The following SDK1 variants were observed in gnomAD, a reference collection of about 807,000 sequenced individuals.
SDK1 encodes protein sidekick-1.
A neutral mutation model predicts 245.5 loss-of-function variants in SDK1; 157 were observed. The observed-to-expected ratio is 0.64, with a 90% CI of 0.56 to 0.73. SDK1 has a LOEUF of 0.73. SDK1 is among the 30% of genes least tolerant of loss of function. The pLI is 0.00. For synonymous variants in SDK1, 1,647 were observed against 1,278.5 expected (o/e 1.29, Z -6.15); for missense variants, 3,583 against 3,002.3 (o/e 1.19, Z -4.52).
chr7:3,892,452 T>C (rs1208436190), intron 5 of SDK1, among the ~76,000 whole-genome samples: 4 of 152,200 alleles, frequency 2.6e-5, no homozygotes, highest in Non-Finnish European at 5.9e-5. Flanking sequence ...ATAAAGCCTC[T>C]GCTGGGACCT....
chr7:3,481,603 C>T (rs1432729951), intron 1 of SDK1, among the ~76,000 whole-genome samples: 1 of 152,158 alleles, frequency 6.6e-6, no homozygotes, highest in African/African-American at 2.4e-5. Context: ...CCTTCCTTCC[C>T]ACATACAAGC....
At chr7:4,191,795 G>A (rs1783221054) in intron 35 of SDK1, among the ~76,000 whole-genome samples, 1 of 152,254 alleles carries the variant, frequency 6.6e-6, no homozygotes, top group African/African-American at 2.4e-5. Flanking sequence ...GAGAAGCTGG[G>A]CTATCCCCAC....
At chr7:3,421,092 CT>C (rs570530094) in intron 1 of SDK1, among the ~76,000 whole-genome samples, 343 of 136,926 alleles carry the variant, frequency 2.5e-3, no homozygotes, top group East Asian at 2.7e-3. Context: ...CTGTACTCTC[CT>C]TTTTTTTTTT....
intron 34 of SDK1, 86 bp from the exon 35 acceptor site, chr7:4,178,399 G>A: frequency 1.0e-6 from 1 of 962,782 alleles, no homozygotes. Flanking sequence ...GGTGCTCCTT[G>A]CTTCATTGTG....
At chr7:3,526,790 T>C (rs1296631321) in intron 1 of SDK1, among the ~76,000 whole-genome samples, 2 of 152,234 alleles carry the variant, frequency 1.3e-5, no homozygotes, top group Non-Finnish European at 2.9e-5. Flanking sequence ...TGGTTGGTTT[T>C]CATTCCTGAT....
intron 5 of SDK1, among the ~76,000 whole-genome samples, chr7:3,892,061 GGTGTTTTAACACT>G (rs1781473747): frequency 6.6e-6 from 1 of 151,642 alleles, no homozygotes; most frequent in Non-Finnish European, 1.5e-5. Flanking sequence ...TTTTTTGCCG[GGTGTTTTAACACT>G]GCATATCTTG....
chr7:3,779,046 A>T (rs1780645833), intron 4 of SDK1, among the ~76,000 whole-genome samples: 2 of 152,244 alleles, frequency 1.3e-5, no homozygotes, highest in Admixed American at 6.5e-5. Context: ...AATGAAATTA[A>T]CAAAGGCAGT....
chr7:4,134,456 A>G (rs1030070593), intron 28 of SDK1, among the ~76,000 whole-genome samples: 1 of 152,212 alleles, frequency 6.6e-6, no homozygotes, highest in Non-Finnish European at 1.5e-5. Flanking sequence ...GGAGATTTGC[A>G]GGAGCCCCAC....
Position 3,742,499 on chromosome 7 carries a change from C to T in SDK1, c.714-78951C>T, listed in dbSNP as rs532896051. 1.8e-4 allele frequency among the ~76,000 whole-genome samples: 28 copies of T among 152,328 alleles called. No individual in the cohort carries two copies. The South Asian group carries it at 4.1e-3, about 23-fold the overall frequency. On this transcript the variant is annotated intron_variant, in intron 4 of 44. Transcript: ENST00000404826. ...ACCAGCCCTAGGAGCCAGCCATCAT[C>T]TCCCATCAGTTTCTCCCGACATTTG...
chr7:3,771,168 C>T (rs149587165), intron 4 of SDK1, among the ~76,000 whole-genome samples: 532 of 152,216 alleles, frequency 3.5e-3, no homozygotes, highest in Non-Finnish European at 6.2e-3. Context: ...CACAGTCATG[C>T]TCTTCTCTCT....
chr7:3,875,913 G>GC (rs1562506816), intron 5 of SDK1, among the ~76,000 whole-genome samples: 1 of 152,012 alleles, frequency 6.6e-6, no homozygotes, highest in African/African-American at 2.4e-5. Flanking sequence ...ACCATCAGGG[G>GC]CTACACTTCC....
chr7:3,553,154 G>T (rs1219186594), intron 1 of SDK1, among the ~76,000 whole-genome samples: 1 of 151,664 alleles, frequency 6.6e-6, no homozygotes, highest in Non-Finnish European at 1.5e-5. Context: ...GCCTTATATT[G>T]TACAACAATA....
intron 1 of SDK1, among the ~76,000 whole-genome samples, chr7:3,324,727 G>C (rs1779899681): frequency 6.6e-6 from 1 of 152,102 alleles, no homozygotes; most frequent in Admixed American, 6.6e-5. Flanking sequence ...TCATCCTAAT[G>C]GGTTCAATTT....
intron 4 of SDK1, among the ~76,000 whole-genome samples, chr7:3,782,167 C>A (rs1357628169): frequency 6.6e-6 from 1 of 152,178 alleles, no homozygotes; most frequent in Non-Finnish European, 1.5e-5. Context: ...ATGGTGCCAG[C>A]ATGTGCTTCT....
chr7:4,202,936 C>G lies in SDK1; in HGVS notation c.5099-2943C>G, dbSNP rs71527475. Among the ~76,000 whole-genome samples the G allele has an allele frequency of 1.0e-3, 152 of 152,248 alleles. 2 individuals carry two copies. The highest frequency in any genetic ancestry group is 1.1e-3 in the Non-Finnish European group (74 of 68,030). ...GTTAGAACCATGAGCTGCTGGTGCT[C>G]TCCACCCACCAGCAAATTAAGACTA... On this transcript the variant is annotated intron_variant, in intron 35 of 44. Transcript: ENST00000404826.
chr7:3,437,306 G>C lies in SDK1; in HGVS notation c.298+135422G>C, dbSNP rs149963091. On this transcript the variant is annotated intron_variant, in intron 1 of 44. Coordinates refer to ENST00000404826, the MANE Select transcript of SDK1 (RefSeq NM_152744.4). ...CCAGATTTGAGGGGTGGGCCTTGGGGTGGAATTAAAAAATCAGTGTAATCA... is the reference window on the plus strand; with the variant it reads ...CCAGATTTGAGGGGTGGGCCTTGGGCTGGAATTAAAAAATCAGTGTAATCA... 5.3e-5 allele frequency among the ~76,000 whole-genome samples: 8 copies of C among 152,216 alleles called. No individual in the cohort carries two copies. The East Asian group carries it at 1.5e-3, about 29-fold the overall frequency.
intron 4 of SDK1, among the ~76,000 whole-genome samples, chr7:3,698,247 C>T (rs576253790): frequency 2.6e-5 from 4 of 152,314 alleles, no homozygotes; most frequent in African/African-American, 9.6e-5. Context: ...AAAGGCTGAG[C>T]AGGGAGCTTA....
chr7:4,106,242 G>A (rs1218403642), intron 22 of SDK1, among the ~76,000 whole-genome samples: 1 of 152,160 alleles, frequency 6.6e-6, no homozygotes, highest in Non-Finnish European at 1.5e-5. Flanking sequence ...GGCTCTCCTG[G>A]TGGGAAAGGA....
chr7:4,182,981 G>A (rs1782682894), intron 35 of SDK1, among the ~76,000 whole-genome samples: 1 of 152,226 alleles, frequency 6.6e-6, no homozygotes. Context: ...GGGAACTGGA[G>A]TTATCACTGG....
Sources: gnomAD v4.1 joint callset for allele counts (sites outside exome capture counted in the v4.1 genomes callset) on GRCh38, gnomAD v4.1.1 for gene constraint, MANE v1.5 for transcripts, NCBI Gene and HGNC (gene_info 2026-07-23, HGNC 2026-07-21) for gene names.